SLC47A2: variants seen among roughly 807,000 people sequenced by gnomAD.
The protein encoded by SLC47A2 is multidrug and toxin extrusion protein 2.
Under a neutral mutation model 67.7 loss-of-function variants are expected in SLC47A2, and 52 were observed. The observed-to-expected ratio is 0.77, with a 90% CI of 0.61 to 0.97. The LOEUF (loss-of-function observed/expected upper bound fraction) is 0.97. Among genes scored for constraint, SLC47A2 ranks in the 50% least tolerant of loss-of-function variants. SLC47A2 has a pLI of 0.00. For synonymous variants in SLC47A2, 278 were observed against 292.9 expected (o/e 0.95, Z 0.52); for missense variants, 676 against 712.3 (o/e 0.95, Z 0.58).
chr17:19,678,864 GAA>G lies in SLC47A2; in HGVS notation c.1521_1522del (p.Ser508LysfsTer3). 6.2e-7 allele frequency: 1 copy of G among 1,603,560 alleles called. No homozygotes were observed. On this transcript the variant is annotated frameshift_variant, in exon 17 of 17. Transcript: ENST00000433844. LOFTEE classifies it low-confidence loss of function (END_TRUNC). ...GAAGTCCACGTGGCACTCAGACCTT[GAA>G]TACGTTGTCAAGGTAATGCCAGGGG...
intron 4 of SLC47A2, among the ~76,000 whole-genome samples, chr17:19,713,415 TC>T (rs1417045571): frequency 1.0e-4 from 13 of 130,606 alleles, no homozygotes; most frequent in East Asian, 4.8e-4. Context: ...ATAATAATAA[TC>T]ATCATCATCA....
At chr17:19,683,246 A>C (rs1006902380) in intron 13 of SLC47A2, among the ~76,000 whole-genome samples, 1 of 152,146 alleles carries the variant, frequency 6.6e-6, no homozygotes, top group Non-Finnish European at 1.5e-5. Flanking sequence ...GGTGGGGGAA[A>C]GTGTTACAGC....
intron 2 of SLC47A2, 86 bp from the exon 3 acceptor site, chr17:19,714,875 AAATGCT>A: frequency 1.9e-6 from 3 of 1,574,852 alleles, no homozygotes; most frequent in Non-Finnish European, 1.7e-6. Context: ...CAGGGTCAGG[AAATGCT>A]GCCCAGCAGG....
chr17:19,710,258 G>A (rs1047029015), intron 5 of SLC47A2, among the ~76,000 whole-genome samples: 2 of 152,064 alleles, frequency 1.3e-5, no homozygotes, highest in Admixed American at 6.6e-5. Flanking sequence ...ACAGATCCCC[G>A]GGTCACTGGA....
chr17:19,695,154 G>GT (rs2085631402), intron 13 of SLC47A2, among the ~76,000 whole-genome samples: 1 of 151,992 alleles, frequency 6.6e-6, no homozygotes, highest in Non-Finnish European at 1.5e-5. Context: ...GGAAGAAAAA[G>GT]TTTAAGAGAC....
At chr17:19,716,260 A>G (rs1397062343) in intron 1 of SLC47A2, 173 bp downstream of exon 1, 1 of 1,067,262 alleles carries the variant, frequency 9.4e-7, no homozygotes, top group East Asian at 2.7e-5. Context: ...GGGATTGTCC[A>G]GAGACAGCTT....
intron 13 of SLC47A2, among the ~76,000 whole-genome samples, chr17:19,697,733 A>G (rs1281562249): frequency 6.7e-6 from 1 of 148,790 alleles, no homozygotes; most frequent in Non-Finnish European, 1.5e-5. Context: ...GACTACAGAT[A>G]TGCACCACTA....
chr17:19,702,769 GC>G, intron 12 of SLC47A2, 95 bp from the exon 13 acceptor site: 3 of 1,388,454 alleles, frequency 2.2e-6, no homozygotes, highest in Non-Finnish European at 1.0e-6. Context: ...ACAAGAAAAA[GC>G]TTTGGAATAG....
intron 9 of SLC47A2, among the ~76,000 whole-genome samples, chr17:19,706,151 C>G (rs113839821): frequency 0.026 from 3,908 of 152,210 alleles, 169 homozygotes; most frequent in African/African-American, 0.089. Context: ...TTCTTGGGGC[C>G]CCGTTTTCTC....
chr17:19,715,404 T>C (rs1341617439), intron 1 of SLC47A2, among the ~76,000 whole-genome samples, 187 bp from the exon 2 acceptor site: 1 of 152,106 alleles, frequency 6.6e-6, no homozygotes, highest in Non-Finnish European at 1.5e-5. Context: ...GCAGCTGCAG[T>C]CACGCCTGGC....
chr17:19,716,097 C>T (rs539506027), intron 1 of SLC47A2: 196 of 263,054 alleles, frequency 7.5e-4, no homozygotes, highest in Non-Finnish European at 6.1e-4. Context: ...CTTCCCCCTG[C>T]GAAGGTGCTG....
intron 7 of SLC47A2, 102 bp downstream of exon 7, chr17:19,708,200 G>A (rs989593481): frequency 1.5e-5 from 20 of 1,341,400 alleles, no homozygotes; most frequent in African/African-American, 1.4e-4. Context: ...ACTTCAGGAC[G>A]GCACAGGCAG....
At chr17:19,681,742 T>C in intron 13 of SLC47A2, 72 bp from the exon 14 acceptor site, 2 of 1,537,374 alleles carry the variant, frequency 1.3e-6, no homozygotes, top group African/African-American at 1.4e-5. Context: ...CAGCAGGCAC[T>C]GTGCTAAGCC....
chr17:19,682,365 A>ACACACACACAC (rs55725189), intron 13 of SLC47A2, among the ~76,000 whole-genome samples: 2 of 147,224 alleles, frequency 1.4e-5, no homozygotes, highest in African/African-American at 5.2e-5. Context: ...ACACACACAC[A>ACACACACACAC]AATTTATTAT....
intron 3 of SLC47A2, 96 bp downstream of exon 3, chr17:19,714,625 C>A: frequency 1.4e-6 from 2 of 1,455,054 alleles, no homozygotes; most frequent in African/African-American, 1.4e-5. Flanking sequence ...TCCCAGATCA[C>A]CTGGCTGCGC....
Position 19,680,022 on chromosome 17 carries a change from G to A in SLC47A2, c.1410C>T (p.Gly470=), listed in dbSNP as rs1239393394. Residue 470 remains glycine, a synonymous_variant, in exon 16 of 17, where the codon GGC becomes GGT. Coordinates refer to ENST00000433844, the MANE Select transcript of SLC47A2 (RefSeq NM_001099646.3). Reference sequence around the variant, plus strand: ...TCTCTGCTCTCTGCTGCTGCTGCCGGCCTGAATGTTTCTTAGCCTAAAGGA... The same window carrying A: ...TCTCTGCTCTCTGCTGCTGCTGCCGACCTGAATGTTTCTTAGCCTAAAGGA... ...LAAEEAKKHS[G]RQQQQRAEST... 1.9e-6 allele frequency: 3 copies of A among 1,613,766 alleles called. No homozygotes were observed. In the Admixed American group the frequency reaches 5.0e-5, roughly 27 times the overall value.
chr17:19,704,193 A>G lies in SLC47A2; in HGVS notation c.910-15T>C. 1 of 1,595,818 alleles carries G rather than the reference A, an allele frequency of 6.3e-7. No homozygotes were observed. The stretch of plus-strand genomic sequence containing the variant: ...CCCAAGGGAATCTGGGATCAAAGAT[A>G]AGAAAGCACTGTCAGTGGGCCCACC... On this transcript the variant is annotated splice_polypyrimidine_tract_variant and intron_variant, in intron 10 of 16. Transcript: ENST00000433844.
intron 3 of SLC47A2, 79 bp from the exon 4 acceptor site, chr17:19,714,052 A>G: frequency 6.6e-7 from 1 of 1,514,882 alleles, no homozygotes; most frequent in Non-Finnish European, 8.9e-7. Context: ...GCGGGCTGTC[A>G]GCGGCGCCAG....
Position 19,713,811 on chromosome 17 carries a change from G to A in SLC47A2, c.443+14C>T, listed in dbSNP as rs993184126. 6 of 1,600,326 alleles carry A rather than the reference G, an allele frequency of 3.7e-6. No individual in the cohort carries two copies. Among genetic ancestry groups the A allele is most frequent in the Non-Finnish European group, 5.1e-6 (6 of 1,171,464 alleles). On this transcript the variant is annotated intron_variant, in intron 4 of 16. Transcript: ENST00000433844. ...CCCAGCAAGCCCCACCTCCCCAGCC[G>A]GAGCCCAGCGCACCTGGACACGTCC...
Sources: gnomAD v4.1 joint callset for allele counts (sites outside exome capture counted in the v4.1 genomes callset) on GRCh38, gnomAD v4.1.1 for gene constraint, MANE v1.5 for transcripts, NCBI Gene and HGNC (gene_info 2026-07-23, HGNC 2026-07-21) for gene names.